CCAR1: variants seen among roughly 807,000 people sequenced by gnomAD.
CCAR1 encodes cell division cycle and apoptosis regulator protein 1.
CCAR1 carries 78 observed loss-of-function variants against 163.8 expected under a neutral mutation model. The ratio of observed to expected loss-of-function variants is 0.48; its 90% CI spans 0.40 to 0.57. CCAR1 has a LOEUF of 0.57. CCAR1 is among the 20% of genes least tolerant of loss of function. CCAR1 has a pLI of 0.00. For missense variants in CCAR1, 1,019 were observed against 1,365.2 expected (o/e 0.75, Z 4.00); for synonymous variants, 443 against 460.7 (o/e 0.96, Z 0.49).
rs544093818 is a variant in CCAR1 at position 68,766,175 on chromosome 10, C to T, written c.2298+96C>T. The T allele has an allele frequency of 1.5e-5, 12 of 818,966 alleles. No homozygotes were observed. The East Asian group carries it at 1.7e-4, about 11-fold the overall frequency. 50.7% of individuals were successfully genotyped at this position (818,966 alleles called of 1,614,324 possible). ...TCTGAAATCTTTTTTCTTTGTTTTTCGCTTTTCGTGGTTTTTTTTGTTTTG... is the reference window on the plus strand; with the variant it reads ...TCTGAAATCTTTTTTCTTTGTTTTTTGCTTTTCGTGGTTTTTTTTGTTTTG... On this transcript the variant is annotated intron_variant, in intron 17 of 24. Coordinates refer to ENST00000265872, the MANE Select transcript of CCAR1 (RefSeq NM_018237.4).
chr10:68,725,659 G>T (rs1300564304), intron 2 of CCAR1, among the ~76,000 whole-genome samples: 2 of 151,978 alleles, frequency 1.3e-5, no homozygotes, highest in Non-Finnish European at 2.9e-5. Context: ...CTTTTAATTT[G>T]AATATATTTT....
At chr10:68,757,555 C>T (rs2056410666) in intron 15 of CCAR1, among the ~76,000 whole-genome samples, 178 bp downstream of exon 15, 1 of 152,062 alleles carries the variant, frequency 6.6e-6, no homozygotes. Context: ...GCTGGGATTA[C>T]AGGCACCCTG....
intron 8 of CCAR1, among the ~76,000 whole-genome samples, 184 bp from the exon 9 acceptor site, chr10:68,748,952 A>G (rs1188894156): frequency 1.3e-5 from 2 of 152,158 alleles, no homozygotes; most frequent in African/African-American, 2.4e-5. Flanking sequence ...TGCCGAGATT[A>G]CTGGTGTGAG....
At position 68,789,850 on chromosome 10, in the gene CCAR1, C is replaced by A; in HGVS notation, c.3328C>A (p.Gln1110Lys). Residue 1110 changes from glutamine to lysine, a missense_variant, in exon 24 of 25, where the codon CAA becomes AAA. Around this residue, in one of 4 missense-constraint regions of CCAR1, gnomAD observed 358 missense variants for 406.4 expected, o/e 0.88. Coordinates refer to ENST00000265872, the MANE Select transcript of CCAR1 (RefSeq NM_018237.4). ...AAACATGAATTTACAATTTGAAAAC[C>A]AAATGAATAAGACAATCAGAAACTT... is the stretch of plus-strand genomic sequence containing the variant. Reference protein sequence around the residue: ...SENMNLQFENQMNKTIRNLST... With the variant: ...SENMNLQFENKMNKTIRNLST... 1.2e-6 allele frequency: 2 copies of A among 1,607,130 alleles called. No individual in the cohort carries two copies. Among genetic ancestry groups the A allele is most frequent in the South Asian group, 2.3e-5 (2 of 88,864 alleles).
chr10:68,740,492 G>A (rs2056168550), intron 4 of CCAR1, 137 bp from the exon 5 acceptor site: 2 of 702,544 alleles, frequency 2.8e-6, no homozygotes, highest in Non-Finnish European at 4.8e-6. Flanking sequence ...GCAACATAGT[G>A]AGACCTCGTT....
At chr10:68,749,788 G>T (rs2056307287) in intron 10 of CCAR1, 103 bp downstream of exon 10, 7 of 998,500 alleles carry the variant, frequency 7.0e-6, no homozygotes, top group Middle Eastern at 2.2e-4. Flanking sequence ...TTTCCCGACA[G>T]TTAGTGTTCT....
intron 17 of CCAR1, among the ~76,000 whole-genome samples, chr10:68,770,699 T>G (rs2056590644): frequency 6.6e-6 from 1 of 152,102 alleles, no homozygotes; most frequent in Non-Finnish European, 1.5e-5. Context: ...GCCCACATCA[T>G]GCCACTGCAC....
At chr10:68,746,634 A>G (rs1485824592) in intron 6 of CCAR1, among the ~76,000 whole-genome samples, 1 of 151,948 alleles carries the variant, frequency 6.6e-6, no homozygotes, top group African/African-American at 2.4e-5. Flanking sequence ...CACTCAGGCC[A>G]GGGCACCATC....
chr10:68,756,537 C>G lies in CCAR1; in HGVS notation c.1836+54C>G, dbSNP rs1173734747. 7.1e-7 allele frequency: 1 copy of G among 1,402,470 alleles called. No homozygotes were observed. The highest frequency in any genetic ancestry group is 9.9e-7 in the Non-Finnish European group (1 of 1,010,526). The allele number at this position is 1,402,470 out of a possible 1,614,324, so 86.9% of individuals were successfully genotyped here. A position where few individuals can be genotyped will look rare whatever the true frequency, so the allele number is the denominator to read the frequency against. ...TCCGCTTCTCACAGGCACAGGAACACAGGCACAAATGCACACCACACACTA... is the reference window on the plus strand; with the variant it reads ...TCCGCTTCTCACAGGCACAGGAACAGAGGCACAAATGCACACCACACACTA... On this transcript the variant is annotated intron_variant, in intron 14 of 24. Transcript: ENST00000265872. The surrounding 1 kb of genome is among the most constrained non-coding windows in gnomAD (Gnocchi z 5.1).
intron 17 of CCAR1, among the ~76,000 whole-genome samples, chr10:68,770,816 G>C (rs144098970): frequency 6.6e-6 from 1 of 152,166 alleles, no homozygotes. Context: ...GGTGGCTTAC[G>C]CCTGTAATCC....
At chr10:68,751,540 A>G (rs370426700) in intron 10 of CCAR1, among the ~76,000 whole-genome samples, 2 of 152,032 alleles carry the variant, frequency 1.3e-5, no homozygotes, top group East Asian at 1.9e-4. Flanking sequence ...AGGATATGAA[A>G]TTGAACAGCT....
chr10:68,754,792 C>T lies in CCAR1; in HGVS notation c.1423C>T (p.Arg475Ter). Residue 475 changes from arginine to a stop codon, truncating the protein, a stop_gained, in exon 12 of 25, where the codon CGA (arginine) becomes TGA (stop). Transcript: ENST00000265872. LOFTEE classifies it high-confidence loss of function. ...TCTTGCTGAGGACCCACAAGAACTT[C>T]GAGATGGATTCCAACATCCTGCTAG... ...CALAEDPQEL[R>*]DGFQHPARLV... 6.2e-7 allele frequency: 1 copy of T among 1,608,478 alleles called. No homozygotes were observed. Among genetic ancestry groups the T allele is most frequent in the Non-Finnish European group, 8.5e-7 (1 of 1,174,986 alleles).
intron 2 of CCAR1, among the ~76,000 whole-genome samples, chr10:68,735,371 C>CT (rs34103994): frequency 0.79 from 91,497 of 115,288 alleles, 36,817 homozygotes; most frequent in Non-Finnish European, 0.85. Context: ...CGTTTTTGTG[C>CT]TTTTTTTTTT....
chr10:68,778,050 C>T (rs183594595), intron 19 of CCAR1, among the ~76,000 whole-genome samples: 1 of 152,070 alleles, frequency 6.6e-6, no homozygotes, highest in Middle Eastern at 3.2e-3. Context: ...GAAACCCCTT[C>T]TGCTAAAAAT....
At chr10:68,737,108 A>G in intron 3 of CCAR1, 60 bp downstream of exon 3, 1 of 1,164,716 alleles carries the variant, frequency 8.6e-7, no homozygotes, top group East Asian at 2.5e-5. Flanking sequence ...CTGAGTAGCT[A>G]GCATTGCTAC....
Position 68,788,025 on chromosome 10 carries a change from G to A in CCAR1, c.2979G>A (p.Glu993=). The change falls in exon 22 of 25, where the codon GAG becomes GAA. Residue 993 remains glutamate, a synonymous_variant. Transcript: ENST00000265872. ...SKDEENHEES[E]SLQEDMLGNR... ...ATGAAGAGAACCATGAAGAGTCTGA[G>A]TCATTGCAGGAAGATATGCTAGGTC... 6.2e-7 allele frequency: 1 copy of A among 1,608,224 alleles called. No individual in the cohort carries two copies. The highest frequency in any genetic ancestry group is 1.3e-5 in the African/African-American group (1 of 74,644).
At chr10:68,770,707 C>T (rs1434884108) in intron 17 of CCAR1, among the ~76,000 whole-genome samples, 2 of 152,074 alleles carry the variant, frequency 1.3e-5, no homozygotes, top group African/African-American at 2.4e-5. Context: ...CATGCCACTG[C>T]ACTCCAGTTT....
intron 2 of CCAR1, among the ~76,000 whole-genome samples, chr10:68,723,434 G>T (rs2055890689): frequency 6.6e-6 from 1 of 151,676 alleles, no homozygotes; most frequent in Non-Finnish European, 1.5e-5. Flanking sequence ...CGGCAGTTTT[G>T]TAGTTTTTTA....
Position 68,722,087 on chromosome 10 carries a change from CAGA to C in CCAR1, c.-50-363_-50-361del, listed in dbSNP as rs201741759. ...CTGGCCTCACTCCCCAACCCATTGC[CAGA>C]AGAAACACGCAGGCTGTATTTCCTG... On this transcript the variant is annotated intron_variant, in intron 1 of 24. Coordinates refer to ENST00000265872, the MANE Select transcript of CCAR1 (RefSeq NM_018237.4). Among the ~76,000 whole-genome samples the C allele has an allele frequency of 5.9e-5, 9 of 152,284 alleles. No homozygotes were observed. In the East Asian group the frequency reaches 1.7e-3, roughly 29 times the overall value.
Sources: gnomAD v4.1 joint callset for allele counts (sites outside exome capture counted in the v4.1 genomes callset) on GRCh38, gnomAD v4.1.1 for gene constraint, gnomAD v4.1.1 regional missense constraint, Gnocchi (gnomAD v3.1) non-coding constraint, MANE v1.5 for transcripts, NCBI Gene and HGNC (gene_info 2026-07-23, HGNC 2026-07-21) for gene names.